The following EPS8 variants were observed in gnomAD, a reference collection of about 807,000 sequenced individuals.
The protein encoded by EPS8 is EGFR pathway substrate 8, signaling adaptor.
EPS8 carries 42 observed loss-of-function variants against 103.8 expected under a neutral mutation model. That is an observed-to-expected ratio of 0.40 (90% CI 0.32 to 0.52). The LOEUF is 0.52. Ranked by LOEUF, EPS8 falls within the 20% of genes least tolerant of loss-of-function variation. EPS8 has a pLI of 0.40. For missense variants in EPS8, 969 were observed against 1,005.1 expected, an observed-to-expected ratio of 0.96 and a Z score of 0.49; for synonymous variants, 344 against 344.6, an observed-to-expected ratio of 1.00 and a Z score of 0.02.
At chr12:15,629,342 C>G (rs1308428461) in intron 18 of EPS8, among the ~76,000 whole-genome samples, 2 of 152,168 alleles carry the variant, frequency 1.3e-5, no homozygotes, top group Non-Finnish European at 2.9e-5. Flanking sequence ...CTAGCTAGGC[C>G]TGGATAAAGA....
intron 1 of EPS8, among the ~76,000 whole-genome samples, chr12:15,712,561 G>GA (rs1200705053): frequency 6.6e-6 from 1 of 152,166 alleles, no homozygotes; most frequent in Non-Finnish European, 1.5e-5. Context: ...AATATGAGGG[G>GA]AAAATTATTC....
Position 15,717,614 on chromosome 12 carries a change from A to G in EPS8, c.-21-34642T>C, listed in dbSNP as rs2135970794. Reference sequence around the variant, plus strand: ...AAAAAAAGAAAGAAAGAAAGAAAAAAGAAATGAAATGGACACTTCTTGGCA... The same window carrying G: ...AAAAAAAGAAAGAAAGAAAGAAAAAGGAAATGAAATGGACACTTCTTGGCA... On this transcript the variant is annotated intron_variant, in intron 1 of 20. Transcript: ENST00000281172. The surrounding 1 kb of genome is among the most constrained non-coding windows in gnomAD (Gnocchi z 4.3). Among the ~76,000 whole-genome samples, 1 of 152,270 alleles carries G rather than the reference A, an allele frequency of 6.6e-6. No homozygotes were observed. Among genetic ancestry groups the G allele is most frequent in the East Asian group, 1.9e-4 (1 of 5,174 alleles).
In EPS8 at chr12:15,621,372, C is replaced by T. The variant is rs372247816; in HGVS notation, c.2414G>A (p.Ser805Asn). The T allele has an allele frequency of 3.7e-6, 6 of 1,604,650 alleles. No individual in the cohort carries two copies. The highest frequency in any genetic ancestry group is 1.7e-5 in the Admixed American group (1 of 58,202). The change falls in exon 21 of 21, where the codon AGT becomes AAT. Residue 805 changes from serine (S) to asparagine (N), a missense_variant. Coordinates refer to ENST00000281172, the MANE Select transcript of EPS8 (RefSeq NM_004447.6). ...CACTCCTGAATCACTAGCGGCAGCACTGATTTTTTCCTGTCGTCTTCTCAT... is the reference window on the plus strand; with the variant it reads ...CACTCCTGAATCACTAGCGGCAGCATTGATTTTTTCCTGTCGTCTTCTCAT... The part of the protein sequence containing the change: ...EIMRRRQEKI[S>N]AAASDSGVES...
chr12:15,742,173 T>C (rs536194184), intron 1 of EPS8, among the ~76,000 whole-genome samples: 9 of 152,342 alleles, frequency 5.9e-5, no homozygotes, highest in African/African-American at 1.9e-4. Flanking sequence ...GCTATAAACA[T>C]ATGTGTGCAT....
chr12:15,638,764 G>C (rs1022396524), intron 17 of EPS8, among the ~76,000 whole-genome samples: 1 of 152,162 alleles, frequency 6.6e-6, no homozygotes, highest in Non-Finnish European at 1.5e-5. Flanking sequence ...GTTTAAGAAA[G>C]GAGGAATAGG....
chr12:15,654,528 GC>G, intron 12 of EPS8: 1 of 525,282 alleles, frequency 1.9e-6, no homozygotes, highest in South Asian at 2.2e-5. Flanking sequence ...CACAGCATCT[GC>G]CTATGGGCTG....
In EPS8 at chr12:15,658,308, T is replaced by C. The variant is rs76173519; in HGVS notation, c.1027-155A>G. On this transcript the variant is annotated intron_variant, in intron 11 of 20. Coordinates refer to ENST00000281172, the MANE Select transcript of EPS8 (RefSeq NM_004447.6). ...AGAGTGAGAATAGAAGTCATTGTTT[T>C]TCAATCAAGTCTCTTAGATATATAT... Among the ~76,000 whole-genome samples, 5,417 of 152,272 alleles carry C rather than the reference T, an allele frequency of 0.036. 127 individuals carry two copies. Among genetic ancestry groups the C allele is most frequent in the Non-Finnish European group, 0.05 (3,429 of 68,010 alleles).
In EPS8 at chr12:15,688,365, T is replaced by C. The variant is rs1946123923; in HGVS notation, c.-21-5393A>G. ...ATAATACAGAAGTGGGGAAAGGAAG[T>C]GCTGGGTAGAGGAAGGCGGGGTCAC... On this transcript the variant is annotated intron_variant, in intron 1 of 20. Coordinates refer to ENST00000281172, the MANE Select transcript of EPS8 (RefSeq NM_004447.6). This position sits in a 1 kb window ranked among gnomAD's most constrained non-coding sequence, Gnocchi z 5.1. Among the ~76,000 whole-genome samples, 1 of 151,970 alleles carries C rather than the reference T, an allele frequency of 6.6e-6. No homozygotes were observed. The highest frequency in any genetic ancestry group is 6.6e-5 in the Admixed American group (1 of 15,260).
chr12:15,653,823 G>T (rs7306648), intron 13 of EPS8, among the ~76,000 whole-genome samples: 1 of 152,112 alleles, frequency 6.6e-6, no homozygotes, highest in African/African-American at 2.4e-5. Flanking sequence ...GTGTATGTGT[G>T]TGTGAACCCT....
At chr12:15,732,296 C>A (rs1419995964) in intron 1 of EPS8, among the ~76,000 whole-genome samples, 1 of 152,132 alleles carries the variant, frequency 6.6e-6, no homozygotes, top group African/African-American at 2.4e-5. Context: ...CATTTTGAGC[C>A]CATTAGTACA....
rs1205531978 is a variant in EPS8 at position 15,778,196 on chromosome 12, C to T, written c.-22+10965G>A. ...AGAAGTGATAATACTTTAAGCAAAT[C>T]TGAGAATTAATGCACACGAAAATCT... On this transcript the variant is annotated intron_variant, in intron 1 of 20. Transcript: ENST00000281172. This position sits in a 1 kb window ranked among gnomAD's most constrained non-coding sequence, Gnocchi z 4.5. 6.6e-6 allele frequency among the ~76,000 whole-genome samples: 1 copy of T among 152,114 alleles called. No individual in the cohort carries two copies. Among genetic ancestry groups the T allele is most frequent in the African/African-American group, 2.4e-5 (1 of 41,422 alleles).
At chr12:15,732,368 A>C (rs191744230) in intron 1 of EPS8, among the ~76,000 whole-genome samples, 42 of 152,368 alleles carry the variant, frequency 2.8e-4, no homozygotes, top group African/African-American at 9.9e-4. Context: ...TGAGGAGAAG[A>C]TATCAGTAAT....
intron 17 of EPS8, among the ~76,000 whole-genome samples, chr12:15,636,858 T>C (rs1945144009): frequency 1.3e-5 from 2 of 152,218 alleles, no homozygotes; most frequent in East Asian, 1.9e-4. Context: ...AGTGAATGGA[T>C]ACATAAAGCA....
rs1003121257 is a variant in EPS8, at chr12:15,752,526, G to A, written c.-22+36635C>T. On this transcript the variant is annotated intron_variant, in intron 1 of 20. Transcript: ENST00000281172. This position sits in a 1 kb window ranked among gnomAD's most constrained non-coding sequence, Gnocchi z 4.4. ...CCTCTAGCCTAAGTTGAGCCTTTTAGCAGGAGTGAAATATTCCCAGCAATG... is the reference window on the plus strand; with the variant it reads ...CCTCTAGCCTAAGTTGAGCCTTTTAACAGGAGTGAAATATTCCCAGCAATG... Among the ~76,000 whole-genome samples, 6 of 152,008 alleles carry A rather than the reference G, an allele frequency of 3.9e-5. No homozygotes were observed. The highest frequency in any genetic ancestry group is 8.8e-5 in the Non-Finnish European group (6 of 68,004).
chr12:15,763,639 A>C (rs1008720896), intron 1 of EPS8, among the ~76,000 whole-genome samples: 2 of 152,216 alleles, frequency 1.3e-5, no homozygotes, highest in African/African-American at 4.8e-5. Flanking sequence ...GCTCTCATCT[A>C]GATGATAAAA....
chr12:15,670,772 A>G (rs998419355), intron 4 of EPS8, 84 bp downstream of exon 4: 4 of 953,060 alleles, frequency 4.2e-6, no homozygotes, highest in Non-Finnish European at 4.9e-6. Context: ...TAAGAATGAA[A>G]TAAAACAGAA....
In EPS8 at chr12:15,653,049, GTAC is replaced by G. The variant is rs973232258; in HGVS notation, c.1250+1093_1250+1095del. On this transcript the variant is annotated intron_variant, in intron 13 of 20. Coordinates refer to ENST00000281172, the MANE Select transcript of EPS8 (RefSeq NM_004447.6). ...ACCTTGCCTTGCTCAGCAAGCATTAGTACTACAATTGTTAATAATCTGTCTTCC... is the reference window on the plus strand; with the variant it reads ...ACCTTGCCTTGCTCAGCAAGCATTAGTACAATTGTTAATAATCTGTCTTCC... Among the ~76,000 whole-genome samples the G allele has an allele frequency of 3.3e-5, 5 of 152,308 alleles. No homozygotes were observed. In the East Asian group the frequency reaches 7.7e-4, roughly 23 times the overall value.
At chr12:15,763,748 AC>A (rs1947065139) in intron 1 of EPS8, among the ~76,000 whole-genome samples, 1 of 152,134 alleles carries the variant, frequency 6.6e-6, no homozygotes, top group African/African-American at 2.4e-5. Context: ...GCCTTCCCAT[AC>A]CATAGCCAGT....
Position 15,748,455 on chromosome 12 carries a change from GT to G in EPS8, c.-22+40705del, listed in dbSNP as rs200570928. ...CTAAGTCTGGGTTTTTACACATCTT[GT>G]TTTTTTTTAAAGTAGGACACACAAA... On this transcript the variant is annotated intron_variant, in intron 1 of 20. Transcript: ENST00000281172. This position sits in a 1 kb window ranked among gnomAD's most constrained non-coding sequence, Gnocchi z 4.8. 2.0e-5 allele frequency among the ~76,000 whole-genome samples: 3 copies of G among 150,944 alleles called. No homozygotes were observed. The highest frequency in any genetic ancestry group is 4.4e-5 in the Non-Finnish European group (3 of 67,716).
Sources: gnomAD v4.1 joint callset for allele counts (sites outside exome capture counted in the v4.1 genomes callset) on GRCh38, gnomAD v4.1.1 for gene constraint, Gnocchi (gnomAD v3.1) non-coding constraint, MANE v1.5 for transcripts, NCBI Gene and HGNC (gene_info 2026-07-23, HGNC 2026-07-21) for gene names.